SPIDR: variants seen among roughly 807,000 people sequenced by gnomAD.
SPIDR encodes the protein scaffold protein involved in DNA repair, also known as DNA repair-scaffolding protein.
In SPIDR, 93 loss-of-function variants were observed where a neutral mutation model predicts 104.6. That is an observed-to-expected ratio of 0.89 (90% CI 0.75 to 1.06). The LOEUF (loss-of-function observed/expected upper bound fraction) is 1.06, where lower values mean the gene tolerates loss of function less well. SPIDR is among the 50% of genes least tolerant of loss of function. The pLI, the probability that SPIDR is intolerant of heterozygous loss-of-function variation, is 0.00. For missense variants in SPIDR, 1,154 were observed against 1,111.2 expected, an observed-to-expected ratio of 1.04 and a Z score of -0.55; for synonymous variants, 431 against 416.9, an observed-to-expected ratio of 1.03 and a Z score of -0.41.
At chr8:47,387,607 A>C (rs560564656) in intron 5 of SPIDR, among the ~76,000 whole-genome samples, 1 of 152,186 alleles carries the variant, frequency 6.6e-6, no homozygotes, top group South Asian at 2.1e-4. Flanking sequence ...GAGGCAAACA[A>C]CTGGTTTTGA....
intron 11 of SPIDR, among the ~76,000 whole-genome samples, chr8:47,690,990 A>C (rs1223685550): frequency 3.3e-5 from 5 of 151,996 alleles, no homozygotes; most frequent in Non-Finnish European, 5.9e-5. Context: ...AACTAGCTAC[A>C]ATCTGAAAAA....
chr8:47,470,472 A>T lies in SPIDR; in HGVS notation c.1097+29930A>T, dbSNP rs541265074. 9.7e-4 allele frequency among the ~76,000 whole-genome samples: 146 copies of T among 150,900 alleles called. 1 individual carries two copies. Among genetic ancestry groups the T allele is most frequent in the Non-Finnish European group, 1.8e-3 (122 of 67,680 alleles). ...CCCAGCTAATTTTTGTCTTTTTGGTAGAGACAGGGTTTCACCACGTTGCCC... is the reference window on the plus strand; with the variant it reads ...CCCAGCTAATTTTTGTCTTTTTGGTTGAGACAGGGTTTCACCACGTTGCCC... On this transcript the variant is annotated intron_variant, in intron 8 of 19. Transcript: ENST00000297423.
chr8:47,655,508 C>T (rs1271383377), intron 10 of SPIDR, among the ~76,000 whole-genome samples: 2 of 152,180 alleles, frequency 1.3e-5, no homozygotes, highest in Non-Finnish European at 2.9e-5. Context: ...TGTCTTTTGG[C>T]TGCATAAATG....
At chr8:47,425,653 AT>A (rs1234989254) in intron 7 of SPIDR, among the ~76,000 whole-genome samples, 1 of 152,246 alleles carries the variant, frequency 6.6e-6, no homozygotes, top group East Asian at 1.9e-4. Flanking sequence ...TATTTTAAAT[AT>A]TTTTTCTTGT....
intron 8 of SPIDR, among the ~76,000 whole-genome samples, chr8:47,480,067 C>CAG (rs1554726102): frequency 2.0e-5 from 3 of 152,160 alleles, no homozygotes; most frequent in African/African-American, 7.2e-5. Context: ...ACTTCTTCAC[C>CAG]TATTTTACCA....
intron 8 of SPIDR, among the ~76,000 whole-genome samples, chr8:47,447,028 C>A (rs1554702340): frequency 1.3e-5 from 2 of 152,100 alleles, no homozygotes; most frequent in African/African-American, 4.8e-5. Context: ...TGATTCCAAC[C>A]CTCTTCAGTG....
chr8:47,468,649 A>C (rs576304201), intron 8 of SPIDR, among the ~76,000 whole-genome samples: 3 of 152,236 alleles, frequency 2.0e-5, no homozygotes, highest in African/African-American at 4.8e-5. Context: ...GGCTAGCCAC[A>C]TGCAGAAGAT....
chr8:47,500,958 T>C (rs531067018), intron 8 of SPIDR, among the ~76,000 whole-genome samples: 28 of 152,346 alleles, frequency 1.8e-4, no homozygotes, highest in African/African-American at 6.0e-4. Context: ...GTTGTAGATA[T>C]GCGGCATTAT....
chr8:47,304,253 T>C lies in SPIDR; in HGVS notation c.525+10223T>C, dbSNP rs1053339324. The stretch of plus-strand genomic sequence containing the variant: ...GAATTGTAATTTCCATTGTTGGAAA[T>C]GGGGCCTGGTGGAAGGTGACTGGAT... On this transcript the variant is annotated intron_variant, in intron 5 of 19. Coordinates refer to ENST00000297423, the MANE Select transcript of SPIDR (RefSeq NM_001080394.4). Among the ~76,000 whole-genome samples, 615 of 152,270 alleles carry C rather than the reference T, an allele frequency of 4.0e-3. 5 individuals carry two copies. The highest frequency in any genetic ancestry group is 0.014 in the African/African-American group (581 of 41,544).
chr8:47,375,233 CTTTTTTTTTTTTTT>C (rs869038432), intron 5 of SPIDR, among the ~76,000 whole-genome samples: 2 of 53,386 alleles, frequency 3.7e-5, no homozygotes, highest in African/African-American at 6.6e-5. Flanking sequence ...AGTTAATAGG[CTTTTTTTTTTTTTT>C]TTTTTTTTTT....
At chr8:47,299,867 G>C (rs2041707857) in intron 5 of SPIDR, among the ~76,000 whole-genome samples, 2 of 152,142 alleles carry the variant, frequency 1.3e-5, no homozygotes, top group Non-Finnish European at 2.9e-5. Flanking sequence ...GTTTTATTGA[G>C]GATTTTTGCA....
At chr8:47,584,743 GCTAGAAGTTTATAACACCTTTCATCCAC>G (rs1341225715) in intron 8 of SPIDR, among the ~76,000 whole-genome samples, 1 of 152,100 alleles carries the variant, frequency 6.6e-6, no homozygotes, top group African/African-American at 2.4e-5. Context: ...GAATCAAAAA[GCTAGAAGTTTATAACACCTTTCATCCAC>G]CTGACAGTGT....
chr8:47,538,543 C>CA (rs1444513381), intron 8 of SPIDR, among the ~76,000 whole-genome samples: 13 of 151,542 alleles, frequency 8.6e-5, no homozygotes, highest in African/African-American at 3.1e-4. Flanking sequence ...GACTCTGCCT[C>CA]AAAAAAAAGA....
intron 8 of SPIDR, among the ~76,000 whole-genome samples, chr8:47,558,988 A>G (rs920721244): frequency 6.6e-6 from 1 of 152,196 alleles, no homozygotes; most frequent in African/African-American, 2.4e-5. Flanking sequence ...TAACCATGTA[A>G]CAAGCCAGTG....
At chr8:47,335,881 G>T (rs1331997503) in intron 5 of SPIDR, among the ~76,000 whole-genome samples, 1 of 150,112 alleles carries the variant, frequency 6.7e-6, no homozygotes, top group Non-Finnish European at 1.5e-5. Context: ...GTTTTTGTTA[G>T]ATTTTTCTGT....
intron 8 of SPIDR, among the ~76,000 whole-genome samples, chr8:47,463,480 C>A (rs1554715031): frequency 6.6e-6 from 1 of 152,054 alleles, no homozygotes; most frequent in Non-Finnish European, 1.5e-5. Flanking sequence ...TCTCAAATTC[C>A]TCCCAAAAAT....
At chr8:47,321,948 G>A (rs1457168358) in intron 5 of SPIDR, among the ~76,000 whole-genome samples, 1 of 152,154 alleles carries the variant, frequency 6.6e-6, no homozygotes, top group Non-Finnish European at 1.5e-5. Context: ...ATTAATTCAA[G>A]ATGGATTAAA....
At chr8:47,592,726 A>G (rs2061187067) in intron 8 of SPIDR, 1 of 559,876 alleles carries the variant, frequency 1.8e-6, no homozygotes. Flanking sequence ...TTATCTGCAT[A>G]CATTTAGAAC....
chr8:47,483,181 CTTTTA>C (rs1468500456), intron 8 of SPIDR, among the ~76,000 whole-genome samples: 6 of 151,832 alleles, frequency 4.0e-5, no homozygotes, highest in Non-Finnish European at 1.5e-5. Flanking sequence ...GTGTGTGTGT[CTTTTA>C]TTTTACGCTT....
Sources: gnomAD v4.1 joint callset for allele counts (sites outside exome capture counted in the v4.1 genomes callset) on GRCh38, gnomAD v4.1.1 for gene constraint, MANE v1.5 for transcripts, NCBI Gene and HGNC (gene_info 2026-07-23, HGNC 2026-07-21) for gene names.